The following TMEM196 variants were observed in gnomAD, a reference collection of about 807,000 sequenced individuals.
The protein encoded by TMEM196 is transmembrane protein 196.
A neutral mutation model predicts 20.0 loss-of-function variants in TMEM196; 17 were observed. The ratio of observed to expected loss-of-function variants is 0.85; its 90% CI spans 0.58 to 1.27. The LOEUF is 1.27. Ranked by LOEUF, TMEM196 falls within the 50% of genes most tolerant of loss-of-function variation. The pLI is 0.00. For missense variants in TMEM196, 267 were observed against 223.0 expected (o/e 1.20, Z -1.26); for synonymous variants, 113 against 88.9 (o/e 1.27, Z -1.52).
chr7:19,756,068 G>T (rs1218985715), intron 1 of TMEM196, among the ~76,000 whole-genome samples: 7 of 146,196 alleles, frequency 4.8e-5, no homozygotes, highest in African/African-American at 1.8e-4. Context: ...TTCCTGACCA[G>T]CTACTCATTT....
intron 1 of TMEM196, among the ~76,000 whole-genome samples, chr7:19,736,164 T>C (rs1784391742): frequency 1.3e-5 from 2 of 151,766 alleles, no homozygotes; most frequent in African/African-American, 4.8e-5. Context: ...AGAATAACTC[T>C]GGAAGCTCTT....
In TMEM196 at chr7:19,745,033, G is replaced by A. The variant is rs150559718; in HGVS notation, c.148-15595C>T. On this transcript the variant is annotated intron_variant, in intron 1 of 4. Coordinates refer to ENST00000405844, the MANE Select transcript of TMEM196 (RefSeq NM_001363562.2). ...GCAGGAGATTGGTTTTGGGACCACC[G>A]TAGATCCTGAAACCTGATGATGCAC... is the stretch of plus-strand genomic sequence containing the variant. Among the ~76,000 whole-genome samples the A allele has an allele frequency of 9.0e-4, 137 of 151,992 alleles. 1 individual carries two copies. Among genetic ancestry groups the A allele is most frequent in the African/African-American group, 3.1e-3 (130 of 41,454 alleles).
intron 1 of TMEM196, among the ~76,000 whole-genome samples, chr7:19,734,029 T>C (rs1166015525): frequency 6.6e-6 from 1 of 151,986 alleles, no homozygotes; most frequent in East Asian, 1.9e-4. Flanking sequence ...CCCAACCCTG[T>C]GATGAAGATG....
intron 2 of TMEM196, among the ~76,000 whole-genome samples, chr7:19,726,123 A>G (rs1276098845): frequency 6.6e-6 from 1 of 152,208 alleles, no homozygotes; most frequent in African/African-American, 2.4e-5. Flanking sequence ...CTACCATGCT[A>G]GGAACTTTAA....
intron 1 of TMEM196, among the ~76,000 whole-genome samples, chr7:19,741,787 T>G (rs1784588399): frequency 6.6e-6 from 1 of 152,184 alleles, no homozygotes; most frequent in Non-Finnish European, 1.5e-5. Flanking sequence ...TTTTTAATTG[T>G]TAAGACAGAA....
At position 19,739,790 on chromosome 7, in the gene TMEM196, A is replaced by G. The variant is rs115509474; in HGVS notation, c.148-10352T>C. ...AGAAATGCAATTTCAAACTAACTCA[A>G]ATATGTTTCTTCACTTATCAGATTG... On this transcript the variant is annotated intron_variant, in intron 1 of 4. Transcript: ENST00000405844. Among the ~76,000 whole-genome samples the G allele has an allele frequency of 9.4e-3, 1,426 of 152,256 alleles. 29 individuals carry two copies. The highest frequency in any genetic ancestry group is 0.032 in the African/African-American group (1,335 of 41,544).
At chr7:19,761,718 C>G (rs1188979435) in intron 1 of TMEM196, among the ~76,000 whole-genome samples, 1 of 152,138 alleles carries the variant, frequency 6.6e-6, no homozygotes, top group Non-Finnish European at 1.5e-5. Flanking sequence ...ACTAAAGTAA[C>G]TGAAAGAAAG....
chr7:19,763,342 A>G (rs1220471627), intron 1 of TMEM196, among the ~76,000 whole-genome samples: 1 of 152,214 alleles, frequency 6.6e-6, no homozygotes, highest in Non-Finnish European at 1.5e-5. Context: ...AGAATAATCC[A>G]TATGGAAAAA....
intron 1 of TMEM196, among the ~76,000 whole-genome samples, chr7:19,761,311 C>A (rs1250143217): frequency 2.0e-5 from 3 of 152,162 alleles, no homozygotes; most frequent in African/African-American, 7.2e-5. Context: ...TAAGCTCAAA[C>A]TAATTTCTTA....
At chr7:19,722,741 A>C in intron 4 of TMEM196, among the ~76,000 whole-genome samples, 1 of 152,176 alleles carries the variant, frequency 6.6e-6, no homozygotes, top group East Asian at 1.9e-4. Flanking sequence ...TAATAAGTAA[A>C]ACTATATAGA....
chr7:19,757,465 C>A (rs2128035045), intron 1 of TMEM196, among the ~76,000 whole-genome samples: 1 of 148,968 alleles, frequency 6.7e-6, no homozygotes, highest in East Asian at 2.0e-4. Context: ...TAGTCTCGAA[C>A]TCCTAACCTC....
In TMEM196 at chr7:19,746,983, T is replaced by C. The variant is rs370347282; in HGVS notation, c.148-17545A>G. On this transcript the variant is annotated intron_variant, in intron 1 of 4. Transcript: ENST00000405844. ...AATCATAGAAAATCCCGGCCGGGCG[T>C]GGTGGCTCACGCCTGTAATCCCAGC... is the stretch of plus-strand genomic sequence containing the variant. 5.3e-5 allele frequency among the ~76,000 whole-genome samples: 8 copies of C among 152,100 alleles called. No individual in the cohort carries two copies. The East Asian group carries it at 7.7e-4, about 15-fold the overall frequency.
At chr7:19,734,406 A>T (rs1784323191) in intron 1 of TMEM196, among the ~76,000 whole-genome samples, 1 of 152,114 alleles carries the variant, frequency 6.6e-6, no homozygotes, top group Admixed American at 6.5e-5. Flanking sequence ...AACCCCCATA[A>T]CCCATGAATA....
chr7:19,724,190 G>C (rs1783908192), intron 4 of TMEM196, 90 bp downstream of exon 4: 3 of 1,154,536 alleles, frequency 2.6e-6, no homozygotes, highest in Middle Eastern at 3.8e-4. Flanking sequence ...CATCAGTTCA[G>C]ACTGATCTGT....
intron 1 of TMEM196, among the ~76,000 whole-genome samples, chr7:19,731,674 G>A (rs527791828): frequency 6.6e-5 from 10 of 152,182 alleles, no homozygotes; most frequent in Non-Finnish European, 1.5e-4. Context: ...AGCCCAAGAG[G>A]TGGTCAGGAG....
chr7:19,727,278 G>A (rs1784030634), intron 2 of TMEM196, among the ~76,000 whole-genome samples: 1 of 152,094 alleles, frequency 6.6e-6, no homozygotes, highest in African/African-American at 2.4e-5. Flanking sequence ...TTAAGAAAGG[G>A]ATACATGTGT....
At chr7:19,754,883 G>T (rs1785141013) in intron 1 of TMEM196, among the ~76,000 whole-genome samples, 1 of 151,986 alleles carries the variant, frequency 6.6e-6, no homozygotes, top group Non-Finnish European at 1.5e-5. Context: ...CTCATTTTTA[G>T]CAGGCATTTC....
chr7:19,758,448 C>T lies in TMEM196; in HGVS notation c.147+14102G>A, dbSNP rs555958644. 2.0e-5 allele frequency among the ~76,000 whole-genome samples: 3 copies of T among 152,184 alleles called. No homozygotes were observed. In the South Asian group the frequency reaches 6.2e-4, roughly 32 times the overall value. On this transcript the variant is annotated intron_variant, in intron 1 of 4. Transcript: ENST00000405844. ...GGTAGTGGCCAGATAACTGCATTTT[C>T]CTTTTGGTTGAAAGATTTTTTTAAG...
chr7:19,736,404 T>TATATATATATATATATATATA (rs1554298465), intron 1 of TMEM196, among the ~76,000 whole-genome samples: 1 of 117,850 alleles, frequency 8.5e-6, no homozygotes, highest in Non-Finnish European at 1.8e-5. Flanking sequence ...TATATATAAA[T>TATATATATATATATATATATA]TATCTCTGTA....
Sources: gnomAD v4.1 joint callset for allele counts (sites outside exome capture counted in the v4.1 genomes callset) on GRCh38, gnomAD v4.1.1 for gene constraint, MANE v1.5 for transcripts, NCBI Gene and HGNC (gene_info 2026-07-23, HGNC 2026-07-21) for gene names.